The following GET1 variants were observed in gnomAD, a reference collection of about 807,000 sequenced individuals.
GET1 encodes guided entry of tail-anchored proteins factor 1.
Under a neutral mutation model 22.6 loss-of-function variants are expected in GET1, and 20 were observed. That is an observed-to-expected ratio of 0.89 (90% CI 0.62 to 1.29). The LOEUF (loss-of-function observed/expected upper bound fraction) is 1.29. Among genes scored for constraint, GET1 ranks in the 50% most tolerant of loss-of-function variants. GET1 has a pLI of 0.00. For synonymous variants in GET1, 92 were observed against 83.8 expected (o/e 1.10, Z -0.53); for missense variants, 209 against 219.9 (o/e 0.95, Z 0.31).
At chr21:39,405,492 C>T (rs763213800) in intron 4 of GET1, among the ~76,000 whole-genome samples, 1 of 152,198 alleles carries the variant, frequency 6.6e-6, no homozygotes, top group African/African-American at 2.4e-5. Context: ...CTGCATCTGG[C>T]CTGCTTCCAT....
In GET1 at chr21:39,389,837, C is replaced by T. The variant is rs77155511; in HGVS notation, c.103-861C>T. On this transcript the variant is annotated intron_variant, in intron 1 of 4. Coordinates refer to ENST00000649170, the MANE Select transcript of GET1 (RefSeq NM_004627.6). ...CCTGCACCTGCACCTTGCTCTGCCCCGTCTAATCTAGGACTGAATTCTTCT... is the reference window on the plus strand; with the variant it reads ...CCTGCACCTGCACCTTGCTCTGCCCTGTCTAATCTAGGACTGAATTCTTCT... 4.0e-3 allele frequency among the ~76,000 whole-genome samples: 609 copies of T among 152,300 alleles called. 7 individuals carry two copies. Among genetic ancestry groups the T allele is most frequent in the African/African-American group, 0.014 (570 of 41,554 alleles).
intron 1 of GET1, chr21:39,387,743 G>C (rs539759422): frequency 1.0e-6 from 1 of 984,002 alleles, no homozygotes; most frequent in African/African-American, 1.8e-5. Flanking sequence ...CGGCATCACT[G>C]GGCGGGTCAG....
At chr21:39,414,743 T>TGTGTGA (rs2040824042) in intron 1 of GET1, among the ~76,000 whole-genome samples, 1 of 65,162 alleles carries the variant, frequency 1.5e-5, no homozygotes, top group Non-Finnish European at 3.0e-5. Context: ...TCTCTCTCTC[T>TGTGTGA]GTGTGTGTGT....
intron 1 of GET1, among the ~76,000 whole-genome samples, chr21:39,385,065 C>T (rs56767798): frequency 0.017 from 2,543 of 152,214 alleles, 75 homozygotes; most frequent in African/African-American, 0.058. Flanking sequence ...GCTCCTTCAC[C>T]ATCGTCAGAG....
In GET1 at chr21:39,380,340, C is replaced by A. The variant is rs1325343028; in HGVS notation, c.-45C>A. On this transcript the variant is annotated 5_prime_UTR_variant, in exon 1 of 5. Coordinates refer to ENST00000649170, the MANE Select transcript of GET1 (RefSeq NM_004627.6). ...CGGTCGCCGCTGTTGTTGTGGTCCC[C>A]ATGGAGCTGCCGTAGCGGACCCAGC... The A allele has an allele frequency of 1.3e-6, 2 of 1,560,808 alleles. No individual in the cohort carries two copies. Among genetic ancestry groups the A allele is most frequent in the Admixed American group, 3.8e-5 (2 of 52,986 alleles).
chr21:39,396,960 G>T lies in GET1; in HGVS notation c.*21G>T, dbSNP rs756627629. The T allele has an allele frequency of 1.9e-6, 3 of 1,612,436 alleles. No homozygotes were observed. The highest frequency in any genetic ancestry group is 1.7e-5 in the Admixed American group (1 of 59,698). On this transcript the variant is annotated 3_prime_UTR_variant, in exon 5 of 5. Transcript: ENST00000649170. ...GCTGAACAGGAGGATGGATACAGCC[G>T]CGAGGCTAAAAAACGGATTTCCTCT...
intron 1 of GET1, among the ~76,000 whole-genome samples, chr21:39,412,100 T>C (rs1159125942): frequency 6.6e-6 from 1 of 152,228 alleles, no homozygotes; most frequent in East Asian, 1.9e-4. Context: ...TATTCTTCTG[T>C]ACTGTGCATT....
intron 4 of GET1, among the ~76,000 whole-genome samples, chr21:39,395,159 C>T (rs2038556733): frequency 6.6e-6 from 1 of 151,898 alleles, no homozygotes; most frequent in Non-Finnish European, 1.5e-5. Context: ...ATAGGTGTGT[C>T]ACCTTGCCTG....
At chr21:39,410,830 CTCTATTAT>C (rs1344951098), downstream of GET1, 6 of 471,010 alleles carry the variant, frequency 1.3e-5, no homozygotes, top group Non-Finnish European at 2.2e-5. Flanking sequence ...GATTCATTGT[CTCTATTAT>C]TCTAGATTAT....
intron 3 of GET1, chr21:39,392,784 A>G (rs1026817282): frequency 5.1e-6 from 1 of 195,962 alleles, no homozygotes; most frequent in African/African-American, 2.3e-5. Context: ...TGGCTACTCA[A>G]ACGAGATACT....
intron 4 of GET1, among the ~76,000 whole-genome samples, chr21:39,403,548 A>G (rs1047398774): frequency 3.4e-5 from 4 of 118,408 alleles, no homozygotes; most frequent in Admixed American, 3.0e-4. Flanking sequence ...GATGGTCTCG[A>G]TCTGACTTCA....
At chr21:39,414,730 CTCTCTCTCTCTCTG>C (rs2040762119) in intron 1 of GET1, among the ~76,000 whole-genome samples, 3 of 113,608 alleles carry the variant, frequency 2.6e-5, no homozygotes, top group South Asian at 3.1e-4. Flanking sequence ...CTCTCTCTCT[CTCTCTCTCTCTCTG>C]TGTGTGTGTG....
At chr21:39,391,238 G>T in intron 2 of GET1, 1 of 226,932 alleles carries the variant, frequency 4.4e-6, no homozygotes, top group Non-Finnish European at 8.8e-6. Flanking sequence ...AAAATGCCCA[G>T]CAGTGTCCTC....
chr21:39,396,185 C>T (rs1306299527), intron 4 of GET1, among the ~76,000 whole-genome samples: 1 of 152,068 alleles, frequency 6.6e-6, no homozygotes, highest in Non-Finnish European at 1.5e-5. Context: ...CATCTGAGGT[C>T]AGGAGTTTGA....
At chr21:39,388,533 C>G (rs1028057826) in intron 1 of GET1, among the ~76,000 whole-genome samples, 14 of 152,174 alleles carry the variant, frequency 9.2e-5, no homozygotes, top group African/African-American at 3.4e-4. Context: ...CCAGTGATTT[C>G]GCAGAAGGGA....
At chr21:39,425,654 G>A (rs920910640) in intron 1 of GET1, among the ~76,000 whole-genome samples, 3 of 152,130 alleles carry the variant, frequency 2.0e-5, no homozygotes, top group African/African-American at 7.2e-5. Context: ...CTAGACCCAG[G>A]CCGTATGGAT....
intron 1 of GET1, chr21:39,386,383 C>G (rs948605675): frequency 1.3e-5 from 2 of 152,238 alleles, no homozygotes; most frequent in Admixed American, 6.5e-5. Context: ...CCCCAGAATC[C>G]TGTGACTCAG....
rs145454378 is a variant in GET1, at chr21:39,404,675, C to T, written c.350-1239C>T. ...TGAGACACGAGAATCGCTTGAACCC[C>T]GGCAGGGCGGAGGTTGCAGTGAGCC... On this transcript the variant is annotated intron_variant, in intron 4 of 4. Transcript: ENST00000415847. 3.9e-3 allele frequency among the ~76,000 whole-genome samples: 559 copies of T among 142,790 alleles called. 2 individuals are homozygous for T. The highest frequency in any genetic ancestry group is 0.014 in the African/African-American group (540 of 39,216). 93.7% of individuals were successfully genotyped at this position (142,790 alleles called of 152,430 possible).
At chr21:39,414,665 G>A (rs1047447448) in intron 1 of GET1, among the ~76,000 whole-genome samples, 1 of 151,510 alleles carries the variant, frequency 6.6e-6, no homozygotes, top group African/African-American at 2.4e-5. Context: ...CTGCGTGACT[G>A]CCAAGGCTAG....
Sources: gnomAD v4.1 joint callset for allele counts (sites outside exome capture counted in the v4.1 genomes callset) on GRCh38, gnomAD v4.1.1 for gene constraint, MANE v1.5 for transcripts, NCBI Gene and HGNC (gene_info 2026-07-23, HGNC 2026-07-21) for gene names.